Variants in PAPSS2 observed in about 807,000 individuals in gnomAD.
PAPSS2 encodes 3'-phosphoadenosine 5'-phosphosulfate synthase 2, also known as bifunctional 3'-phosphoadenosine 5'-phosphosulfate synthase 2.
In PAPSS2, 61 loss-of-function variants were observed where a neutral mutation model predicts 66.5. The observed-to-expected ratio is 0.92, with a 90% CI of 0.75 to 1.14. The LOEUF is 1.14. Among genes scored for constraint, PAPSS2 ranks in the 50% most tolerant of loss-of-function variants. The pLI, the probability that PAPSS2 is intolerant of heterozygous loss-of-function variation, is 0.00. For missense variants in PAPSS2, 708 were observed against 789.6 expected (o/e 0.90, Z 1.24); for synonymous variants, 289 against 287.5 (o/e 1.01, Z -0.05).
At chr10:87,734,681 A>ATG (rs1297647656) in intron 9 of PAPSS2, among the ~76,000 whole-genome samples, 4 of 122,506 alleles carry the variant, frequency 3.3e-5, no homozygotes, top group African/African-American at 1.3e-4. Flanking sequence ...ATATATATAT[A>ATG]TATATATATA....
At chr10:87,728,404 C>A (rs1392830626) in intron 9 of PAPSS2, among the ~76,000 whole-genome samples, 1 of 152,184 alleles carries the variant, frequency 6.6e-6, no homozygotes. Flanking sequence ...TGGGATTAGA[C>A]AAGGCATGCC....
Position 87,745,816 on chromosome 10 carries a change from T to G in PAPSS2, c.1722-16T>G, listed in dbSNP as rs779811310. On this transcript the variant is annotated splice_polypyrimidine_tract_variant and intron_variant, in intron 12 of 12. Coordinates refer to ENST00000456849, the MANE Select transcript of PAPSS2 (RefSeq NM_001015880.2). ...CATTTACCTACACTGAGTTCTTTGT[T>G]GCCACCCTGTAACAGGCACAATGAG... 4.0e-5 allele frequency: 65 copies of G among 1,613,852 alleles called. No homozygotes were observed. In the Middle Eastern group the frequency reaches 8.2e-4, roughly 20 times the overall value.
intron 1 of PAPSS2, among the ~76,000 whole-genome samples, chr10:87,696,580 G>A (rs1376406975): frequency 6.6e-6 from 1 of 152,144 alleles, no homozygotes; most frequent in Non-Finnish European, 1.5e-5. Flanking sequence ...TGCTCTACCA[G>A]TGTCTTGTCC....
At position 87,683,442 on chromosome 10, in the gene PAPSS2, T is replaced by C. The variant is rs563096711; in HGVS notation, c.27+23434T>C. ...TATTTCTTGAAAATGAGTTCAACAA[T>C]GTGGACCTTCTGTGTGTGCAAGGGA... is the stretch of plus-strand genomic sequence containing the variant. On this transcript the variant is annotated intron_variant, in intron 1 of 12. Transcript: ENST00000456849. Among the ~76,000 whole-genome samples, 3 of 152,306 alleles carry C rather than the reference T, an allele frequency of 2.0e-5. No individual in the cohort carries two copies. The South Asian group carries it at 6.2e-4, about 32-fold the overall frequency.
At chr10:87,727,595 G>A in intron 9 of PAPSS2, 106 bp downstream of exon 9, 1 of 931,292 alleles carries the variant, frequency 1.1e-6, no homozygotes, top group Non-Finnish European at 1.7e-6. Flanking sequence ...CTGGGATTAG[G>A]TGGAAGAATG....
At chr10:87,665,154 T>C (rs1368333995) in intron 1 of PAPSS2, among the ~76,000 whole-genome samples, 1 of 152,226 alleles carries the variant, frequency 6.6e-6, no homozygotes, top group East Asian at 1.9e-4. Flanking sequence ...GGATTTGCTT[T>C]TGTTTCTGCC....
Position 87,745,035 on chromosome 10 carries a change from G to T in PAPSS2, c.1525G>T (p.Gly509Cys). The change falls in exon 12 of 13, where the codon GGT (glycine) becomes TGT (cysteine). Residue 509 changes from glycine (G) to cysteine (C), a missense_variant. Transcript: ENST00000456849. ...QWHCRSRMIAGANFYIVGRDP... is the reference protein window; with the variant it reads ...QWHCRSRMIACANFYIVGRDP... ...GCACTGCAGGTCCCGGATGATTGCG[G>T]GTGCCAATTTCTACATTGTGGGGAG... 6.2e-7 allele frequency: 1 copy of T among 1,614,106 alleles called. No individual in the cohort carries two copies. The highest frequency in any genetic ancestry group is 8.5e-7 in the Non-Finnish European group (1 of 1,179,986).
At chr10:87,726,666 C>T (rs973564286) in intron 8 of PAPSS2, among the ~76,000 whole-genome samples, 4 of 152,050 alleles carry the variant, frequency 2.6e-5, no homozygotes, top group Admixed American at 2.0e-4. Flanking sequence ...TGAGGTATTA[C>T]CCAGATTGTG....
chr10:87,713,692 CTA>C (rs1413817839), intron 3 of PAPSS2, among the ~76,000 whole-genome samples: 5 of 152,168 alleles, frequency 3.3e-5, no homozygotes, highest in Non-Finnish European at 7.4e-5. Flanking sequence ...GCTTCGGGTT[CTA>C]TGTGTTTAAT....
At chr10:87,703,744 T>C (rs1219092162) in intron 1 of PAPSS2, 4 of 518,878 alleles carry the variant, frequency 7.7e-6, no homozygotes, top group African/African-American at 7.7e-5. Context: ...AGAGTTTTTC[T>C]GGGCCAGTAG....
intron 9 of PAPSS2, among the ~76,000 whole-genome samples, chr10:87,733,280 T>C (rs1157464600): frequency 6.6e-6 from 1 of 152,218 alleles, no homozygotes; most frequent in East Asian, 1.9e-4. Context: ...CAGCCCTCTC[T>C]TTGGCATCAC....
At chr10:87,689,340 C>CA (rs58947357) in intron 1 of PAPSS2, among the ~76,000 whole-genome samples, 1,927 of 98,264 alleles carry the variant, frequency 0.02, 11 homozygotes, top group Middle Eastern at 0.057. Context: ...AACTCCATCT[C>CA]AAAAAAAAAA....
intron 9 of PAPSS2, among the ~76,000 whole-genome samples, chr10:87,738,494 A>C (rs1219778633): frequency 1.3e-5 from 2 of 151,926 alleles, no homozygotes; most frequent in East Asian, 3.9e-4. Flanking sequence ...CTGCAGCCTC[A>C]ACCTTCCCAG....
chr10:87,683,225 T>A (rs921481033), intron 1 of PAPSS2, among the ~76,000 whole-genome samples: 3 of 152,004 alleles, frequency 2.0e-5, no homozygotes, highest in African/African-American at 7.2e-5. Flanking sequence ...CCTGAGTAGC[T>A]GGGACTGCAG....
At chr10:87,724,256 C>T (rs1186551153) in intron 8 of PAPSS2, among the ~76,000 whole-genome samples, 1 of 148,176 alleles carries the variant, frequency 6.7e-6, no homozygotes, top group African/African-American at 2.5e-5. Flanking sequence ...TCAAAATAGT[C>T]TTACTAAAAA....
At chr10:87,745,547 C>T (rs1853927280) in intron 12 of PAPSS2, among the ~76,000 whole-genome samples, 1 of 152,146 alleles carries the variant, frequency 6.6e-6, no homozygotes, top group Admixed American at 6.5e-5. Context: ...TGCACTTGCT[C>T]CTCATGCTGA....
chr10:87,671,204 T>C (rs1423674937), intron 1 of PAPSS2, among the ~76,000 whole-genome samples: 1 of 152,168 alleles, frequency 6.6e-6, no homozygotes, highest in Non-Finnish European at 1.5e-5. Context: ...TAAAATAACA[T>C]ATAATGGATA....
chr10:87,687,446 C>A (rs1036735992), intron 1 of PAPSS2, among the ~76,000 whole-genome samples: 2 of 152,070 alleles, frequency 1.3e-5, no homozygotes, highest in African/African-American at 2.4e-5. Flanking sequence ...TCTAAATATA[C>A]GAAAGGTTAT....
intron 9 of PAPSS2, 78 bp from the exon 10 acceptor site, chr10:87,741,157 G>T: frequency 7.2e-7 from 1 of 1,398,314 alleles, no homozygotes; most frequent in Non-Finnish European, 1.0e-6. Flanking sequence ...ACCCGAGATT[G>T]GTCTAAAAGG....
Sources: gnomAD v4.1 joint callset for allele counts (sites outside exome capture counted in the v4.1 genomes callset) on GRCh38, gnomAD v4.1.1 for gene constraint, MANE v1.5 for transcripts, NCBI Gene and HGNC (gene_info 2026-07-23, HGNC 2026-07-21) for gene names.